PSG8: variants seen among roughly 807,000 people sequenced by gnomAD.
PSG8 encodes the protein pregnancy-specific beta-1-glycoprotein 8.
A neutral mutation model predicts 42.5 loss-of-function variants in PSG8; 57 were observed. That is an observed-to-expected ratio of 1.34 (90% CI 1.08 to 1.67). The LOEUF (loss-of-function observed/expected upper bound fraction) is 1.67. Among genes scored for constraint, PSG8 ranks in the 40% most tolerant of loss-of-function variants. The pLI, the probability that PSG8 is intolerant of heterozygous loss-of-function variation, is 0.00. For synonymous variants in PSG8, 280 were observed against 196.8 expected (o/e 1.42, Z -3.54); for missense variants, 783 against 518.6 (o/e 1.51, Z -4.95).
At chr19:42,757,831 G>T (rs1969965798) in intron 3 of PSG8, among the ~76,000 whole-genome samples, 171 bp downstream of exon 3, 1 of 152,026 alleles carries the variant, frequency 6.6e-6, no homozygotes, top group African/African-American at 2.4e-5. Flanking sequence ...TCCTATTGTT[G>T]ATCAAGCCTA....
Position 42,755,021 on chromosome 19 carries a change from T to G in PSG8, c.955A>C (p.Ile319Leu), listed in dbSNP as rs1443090258. ...TTCAGGGTGACTGGGTAACTGCGGA[T>G]GCCACCATATTGGTCCCTTATTTCA... ...QCEIRDQYGG[I>L]RSYPVTLNVL... Residue 319 changes from isoleucine to leucine, a missense_variant, in exon 4 of 5, where the codon ATC becomes CTC. Physicochemically the swap from Ile to Leu is conservative, Grantham distance 5. Coordinates refer to ENST00000306511, the MANE Select transcript of PSG8 (RefSeq NM_182707.3). 4 of 1,613,446 alleles carry G rather than the reference T, an allele frequency of 2.5e-6. No individual in the cohort carries two copies. Among genetic ancestry groups the G allele is most frequent in the Admixed American group, 1.7e-5 (1 of 59,990 alleles).
chr19:42,761,020 C>A (rs1327824641), intron 2 of PSG8, among the ~76,000 whole-genome samples: 1 of 152,114 alleles, frequency 6.6e-6, no homozygotes, highest in Non-Finnish European at 1.5e-5. Flanking sequence ...AGAATGTGAG[C>A]TCCATAGCAG....
chr19:42,762,537 C>A (rs1970103961), intron 2 of PSG8, among the ~76,000 whole-genome samples: 1 of 151,942 alleles, frequency 6.6e-6, no homozygotes, highest in African/African-American at 2.4e-5. Context: ...CATTCCATTC[C>A]TTCATTTGTT....
intron 1 of PSG8, among the ~76,000 whole-genome samples, chr19:42,765,053 A>G (rs993246789): frequency 9.8e-5 from 14 of 143,290 alleles, no homozygotes; most frequent in South Asian, 2.1e-4. Flanking sequence ...CCTCTTACCA[A>G]TTCTGGTTCC....
In PSG8 at chr19:42,758,066, A is replaced by G; in HGVS notation, c.645T>C (p.Tyr215=). The change falls in exon 3 of 5, where the codon TAT becomes TAC. Residue 215 remains tyrosine (Y), a synonymous_variant. Coordinates refer to ENST00000306511, the MANE Select transcript of PSG8 (RefSeq NM_182707.3). ...TCACTGGGTTCCGTATTTCACATTCATAGGGTCCTGCAGTGTACTTTGTGA... is the reference window on the plus strand; with the variant it reads ...TCACTGGGTTCCGTATTTCACATTCGTAGGGTCCTGCAGTGTACTTTGTGA... ...LGVTKYTAGP[Y]ECEIRNPVSA... is the part of the protein sequence containing the mutation. The G allele has an allele frequency of 6.2e-7, 1 of 1,614,070 alleles. No individual in the cohort carries two copies. The highest frequency in any genetic ancestry group is 1.3e-5 in the African/African-American group (1 of 75,054).
At chr19:42,755,998 C>T (rs191697011) in intron 3 of PSG8, 4 of 153,030 alleles carry the variant, frequency 2.6e-5, no homozygotes, top group East Asian at 3.9e-4. Context: ...TGTTGCCTGT[C>T]CTGCGTTCAA....
In PSG8 at chr19:42,756,295, G is replaced by T. The variant is rs566687623; in HGVS notation, c.710-1029C>A. Among the ~76,000 whole-genome samples the T allele has an allele frequency of 1.5e-3, 222 of 152,298 alleles. 1 individual carries two copies. Among genetic ancestry groups the T allele is most frequent in the African/African-American group, 4.2e-3 (174 of 41,568 alleles). The stretch of plus-strand genomic sequence containing the variant: ...GAGTGAATATGAGAAGAGACTGCTG[G>T]TTGCCAGGAGCTGGGAGTGGGGAGA... On this transcript the variant is annotated intron_variant, in intron 3 of 4. Coordinates refer to ENST00000306511, the MANE Select transcript of PSG8 (RefSeq NM_182707.3).
chr19:42,757,058 G>A (rs1317193558), intron 3 of PSG8, among the ~76,000 whole-genome samples: 1 of 151,984 alleles, frequency 6.6e-6, no homozygotes, highest in Non-Finnish European at 1.5e-5. Context: ...TGACTTTTTG[G>A]TTAAACTTAT....
At chr19:42,757,935 G>A (rs946223882) in intron 3 of PSG8, 67 bp downstream of exon 3, 127 of 1,613,792 alleles carry the variant, frequency 7.9e-5, no homozygotes, top group Middle Eastern at 6.7e-4. Context: ...GGGACTGAGA[G>A]GCCTGGTCTC....
chr19:42,754,748 G>A (rs542651397), intron 4 of PSG8, 161 bp from the exon 5 acceptor site: 5 of 1,328,010 alleles, frequency 3.8e-6, no homozygotes, highest in Non-Finnish European at 5.1e-6. Context: ...GTATTCACCT[G>A]TTTCTCCCAT....
chr19:42,761,031 G>T (rs901827372), intron 2 of PSG8, among the ~76,000 whole-genome samples: 2 of 152,076 alleles, frequency 1.3e-5, no homozygotes, highest in African/African-American at 4.8e-5. Context: ...TCCATAGCAG[G>T]TTGAGGATGG....
Position 42,758,078 on chromosome 19 carries a change from A to C in PSG8, c.633T>G (p.Thr211=). The C allele has an allele frequency of 1.2e-6, 2 of 1,614,082 alleles. No homozygotes were observed. The highest frequency in any genetic ancestry group is 1.7e-6 in the Non-Finnish European group (2 of 1,179,968). Reference sequence around the variant, plus strand: ...GTATTTCACATTCATAGGGTCCTGCAGTGTACTTTGTGACACCCAATAGAA... The same window carrying C: ...GTATTTCACATTCATAGGGTCCTGCCGTGTACTTTGTGACACCCAATAGAA... ...TLFLLGVTKY[T]AGPYECEIRN... Residue 211 remains threonine, a synonymous_variant, in exon 3 of 5, where the codon ACT becomes ACG. Transcript: ENST00000306511.
intron 3 of PSG8, among the ~76,000 whole-genome samples, chr19:42,756,827 G>A (rs554113961): frequency 3.9e-5 from 6 of 151,906 alleles, no homozygotes; most frequent in Admixed American, 2.0e-4. Context: ...TCATTAATAA[G>A]AGCCTGTCAG....
At chr19:42,753,690 C>T (rs1306543225), downstream of PSG8, among the ~76,000 whole-genome samples, 1 of 152,140 alleles carries the variant, frequency 6.6e-6, no homozygotes, top group African/African-American at 2.4e-5. Context: ...GGAAGCCAAA[C>T]CAAGGCTGAC....
At chr19:42,757,471 A>C (rs560308975) in intron 3 of PSG8, among the ~76,000 whole-genome samples, 142 of 152,148 alleles carry the variant, frequency 9.3e-4, no homozygotes, top group African/African-American at 3.1e-3. Context: ...GATTGCTGGA[A>C]CTTCCCATCA....
chr19:42,753,737 A>G (rs972699046), downstream of PSG8, among the ~76,000 whole-genome samples: 2 of 152,194 alleles, frequency 1.3e-5, no homozygotes, highest in Non-Finnish European at 2.9e-5. Context: ...GGTTCATTCT[A>G]TCTATATCCT....
At chr19:42,760,171 G>A (rs1167008968) in intron 2 of PSG8, among the ~76,000 whole-genome samples, 1 of 152,130 alleles carries the variant, frequency 6.6e-6, no homozygotes. Context: ...TGTGAATTAG[G>A]AAGAGTCTAA....
chr19:42,764,782 C>G (rs184771045), intron 1 of PSG8, among the ~76,000 whole-genome samples: 17 of 152,216 alleles, frequency 1.1e-4, no homozygotes, highest in African/African-American at 3.9e-4. Flanking sequence ...TCCATGAGGA[C>G]AGGGATTTTT....
At position 42,754,457 on chromosome 19, in the gene PSG8, C is replaced by T. The variant is rs761349940; in HGVS notation, c.1119G>A (p.Gln373=). Reference sequence around the variant, plus strand: ...GGATAAAGAGCTTTTGTCCTGATAGCTGAAACTTCCCATTAATTGTCCAAG... The same window carrying T: ...GGATAAAGAGCTTTTGTCCTGATAGTTGAAACTTCCCATTAATTGTCCAAG... ...QYSWTINGKF[Q]LSGQKLFIPQ... The change falls in exon 5 of 5, where the codon CAG becomes CAA. Residue 373 remains glutamine (Q), a synonymous_variant. Coordinates refer to ENST00000306511, the MANE Select transcript of PSG8 (RefSeq NM_182707.3). 6.2e-7 allele frequency: 1 copy of T among 1,613,894 alleles called. No individual in the cohort carries two copies. Among genetic ancestry groups the T allele is most frequent in the South Asian group, 1.1e-5 (1 of 91,064 alleles).
Sources: gnomAD v4.1 joint callset for allele counts (sites outside exome capture counted in the v4.1 genomes callset) on GRCh38, gnomAD v4.1.1 for gene constraint, MANE v1.5 for transcripts, NCBI Gene and HGNC (gene_info 2026-07-23, HGNC 2026-07-21) for gene names.